Variants in BRAF observed in about 807,000 individuals in gnomAD.
The protein encoded by BRAF is serine/threonine-protein kinase B-raf.
BRAF carries 16 observed loss-of-function variants against 104.6 expected under a neutral mutation model. The ratio of observed to expected loss-of-function variants is 0.15; its 90% confidence interval spans 0.10 to 0.23. BRAF has a LOEUF of 0.23. Ranked by LOEUF, BRAF falls within the 10% of genes least tolerant of loss-of-function variation. The pLI is 1.00. For synonymous variants in BRAF, 310 were observed against 341.6 expected (o/e 0.91, Z 1.02); for missense variants, 541 against 937.3 (o/e 0.58, Z 5.52).
chr7:140,714,098 C>T, the BRAF span, among the ~76,000 whole-genome samples: 1 of 152,136 alleles, frequency 6.6e-6, no homozygotes, highest in Non-Finnish European at 1.5e-5. Flanking sequence ...AGATCTCAAG[C>T]TACATGCTGG....
Position 140,776,990 on chromosome 7 carries a change from T to C in BRAF, c.1736A>G (p.His579Arg). 6.2e-7 allele frequency: 1 copy of C among 1,613,754 alleles called. No homozygotes were observed. The highest frequency in any genetic ancestry group is 1.1e-5 in the South Asian group (1 of 91,064). ...TTTGGTCTCAATGATATGGAGATGG[T>C]GATACAAGCTGGAGCCCTCACACCA... Reference protein sequence around the residue: ...TQWCEGSSLYHHLHIIETKFE... With the variant: ...TQWCEGSSLYRHLHIIETKFE... Residue 579 changes from histidine to arginine, a missense_variant, in exon 14 of 20, where the codon CAC becomes CGC. Around this residue, in one of 10 missense-constraint regions of BRAF, gnomAD observed 129 missense variants for 285.8 expected, o/e 0.45. Coordinates refer to ENST00000644969, the MANE Select transcript of BRAF (RefSeq NM_001374258.1).
At chr7:140,750,596 AGGAGAAGGTTGTATCTACTTCGCTTT>A (rs1797708358) in intron 16 of BRAF, among the ~76,000 whole-genome samples, 1 of 152,146 alleles carries the variant, frequency 6.6e-6, no homozygotes, top group African/African-American at 2.4e-5. Flanking sequence ...ATGGAAGTGA[AGGAGAAGGTTGTATCTACTTCGCTTT>A]GTCATACATT....
intron 16 of BRAF, among the ~76,000 whole-genome samples, chr7:140,751,320 G>C (rs1457365515): frequency 6.6e-6 from 1 of 152,090 alleles, no homozygotes; most frequent in African/African-American, 2.4e-5. Flanking sequence ...TACTTTAAAA[G>C]CACGTGACAA....
rs371173325 is a variant in BRAF at position 140,873,671 on chromosome 7, G to A, written c.139-23459C>T. Among the ~76,000 whole-genome samples the A allele has an allele frequency of 2.2e-4, 33 of 152,240 alleles. 1 individual carries two copies. The East Asian group carries it at 3.3e-3, about 15-fold the overall frequency. On this transcript the variant is annotated intron_variant, in intron 1 of 19. Coordinates refer to ENST00000644969, the MANE Select transcript of BRAF (RefSeq NM_001374258.1). ...ACTTTCCACACTCCACTAGTTGAACGGACACTGCAAGCACGTGCTACAGGG... is the reference window on the plus strand; with the variant it reads ...ACTTTCCACACTCCACTAGTTGAACAGACACTGCAAGCACGTGCTACAGGG...
Position 140,719,838 on chromosome 7 carries a change from C to T in BRAF, c.*6656G>A. 3 of 1,063,118 alleles carry T rather than the reference C, an allele frequency of 2.8e-6. No homozygotes were observed. Among genetic ancestry groups the T allele is most frequent in the Admixed American group, 5.4e-5 (1 of 18,684 alleles). 65.9% of individuals were successfully genotyped at this position (1,063,118 alleles called of 1,614,324 possible). On this transcript the variant is annotated 3_prime_UTR_variant, in exon 20 of 20. Coordinates refer to ENST00000644969, the MANE Select transcript of BRAF (RefSeq NM_001374258.1). ...GGGCACGCCCCAGACTCCACGAGAA[C>T]CTTTTCAATGCTTGAGTGGAACTGA... is the stretch of plus-strand genomic sequence containing the variant.
In BRAF at chr7:140,725,631, T is replaced by C. The variant is rs922831588; in HGVS notation, c.*863A>G. 2 of 1,058,640 alleles carry C rather than the reference T, an allele frequency of 1.9e-6. No homozygotes were observed. The highest frequency in any genetic ancestry group is 1.1e-4 in the Admixed American group (2 of 18,468). The allele number at this position is 1,058,640 out of a possible 1,614,324, so 65.6% of individuals were successfully genotyped here. ...CTGGACAAAGTAGCCGCATAAGTAG[T>C]TGGTGACTGGAAGAGCATAGGAGGA... On this transcript the variant is annotated 3_prime_UTR_variant, in exon 20 of 20. Transcript: ENST00000644969.
chr7:140,734,566 C>T (rs2130866852), intron 19 of BRAF: 1 of 1,613,166 alleles, frequency 6.2e-7, no homozygotes, highest in South Asian at 1.1e-5. Flanking sequence ...CCTTTTGTTG[C>T]TACTCTCCTG....
intron 4 of BRAF, chr7:140,808,461 T>C (rs1384057325): frequency 2.9e-6 from 1 of 341,244 alleles, no homozygotes; most frequent in East Asian, 7.7e-5. Flanking sequence ...TAATTTTTTT[T>C]TTTTTAAAGA....
intron 7 of BRAF, chr7:140,800,102 A>T: frequency 2.0e-6 from 1 of 508,152 alleles, no homozygotes; most frequent in Non-Finnish European, 3.5e-6. Flanking sequence ...GCAGTTCAAG[A>T]AGCATGTCAC....
intron 1 of BRAF, among the ~76,000 whole-genome samples, chr7:140,882,478 A>G (rs1054160486): frequency 2.4e-4 from 37 of 151,612 alleles, no homozygotes; most frequent in African/African-American, 8.5e-4. Flanking sequence ...CGGGGGTTCA[A>G]GCAATTCTCC....
chr7:140,785,078 G>C (rs1778057364), intron 10 of BRAF, among the ~76,000 whole-genome samples: 1 of 152,116 alleles, frequency 6.6e-6, no homozygotes. Context: ...AATTTCTGAA[G>C]TACACTGAAA....
At chr7:140,910,379 C>T (rs939976808) in intron 1 of BRAF, among the ~76,000 whole-genome samples, 6 of 152,244 alleles carry the variant, frequency 3.9e-5, no homozygotes, top group Non-Finnish European at 8.8e-5. Context: ...CCCATGTCTT[C>T]TTGATCTGTT....
intron 17 of BRAF, among the ~76,000 whole-genome samples, chr7:140,746,198 G>T: frequency 6.6e-6 from 1 of 152,154 alleles, no homozygotes; most frequent in Non-Finnish European, 1.5e-5. Flanking sequence ...ACAGATATAT[G>T]CTATCTATTC....
intron 1 of BRAF, among the ~76,000 whole-genome samples, chr7:140,879,550 TAA>T (rs71170768): frequency 0.15 from 18,717 of 121,738 alleles, 2,018 homozygotes; most frequent in African/African-American, 0.32. Flanking sequence ...AGCATTATTC[TAA>T]AAAAAAAAAA....
At chr7:140,739,482 A>G (rs1054830690) in intron 18 of BRAF, among the ~76,000 whole-genome samples, 4 of 146,892 alleles carry the variant, frequency 2.7e-5, no homozygotes, top group Non-Finnish European at 4.5e-5. Context: ...TTAATTTCTA[A>G]TAAGGAATTA....
At chr7:140,850,791 T>G (rs997962541) in intron 1 of BRAF, among the ~76,000 whole-genome samples, 7 of 152,210 alleles carry the variant, frequency 4.6e-5, no homozygotes, top group Admixed American at 4.6e-4. Context: ...TAGGTGGGCA[T>G]AGACAATTTT....
chr7:140,871,555 T>G (rs762066896), intron 1 of BRAF, among the ~76,000 whole-genome samples: 8 of 152,138 alleles, frequency 5.3e-5, no homozygotes, highest in Admixed American at 2.0e-4. Flanking sequence ...GGAAACCTAC[T>G]CTAACTTCCA....
At chr7:140,837,613 G>A (rs889197124) in intron 2 of BRAF, among the ~76,000 whole-genome samples, 1 of 152,166 alleles carries the variant, frequency 6.6e-6, no homozygotes, top group Non-Finnish European at 1.5e-5. Flanking sequence ...CACTGTTGGA[G>A]AAAATAATAA....
At chr7:140,757,806 G>C (rs971684663) in intron 14 of BRAF, among the ~76,000 whole-genome samples, 1 of 152,086 alleles carries the variant, frequency 6.6e-6, no homozygotes, top group Non-Finnish European at 1.5e-5. Flanking sequence ...TTCTAAATAC[G>C]TAATTATATT....
Sources: gnomAD v4.1 joint callset for allele counts (sites outside exome capture counted in the v4.1 genomes callset) on GRCh38, gnomAD v4.1.1 for gene constraint, gnomAD v4.1.1 regional missense constraint, MANE v1.5 for transcripts, NCBI Gene and HGNC (gene_info 2026-07-23, HGNC 2026-07-21) for gene names.